Variants in PDK3 observed in about 807,000 individuals in gnomAD.
PDK3 encodes the protein pyruvate dehydrogenase kinase, isozyme 3.
PDK3 carries 12 observed loss-of-function variants against 32.0 expected under a neutral mutation model. The ratio of observed to expected loss-of-function variants is 0.37; its 90% CI spans 0.24 to 0.61. The LOEUF (loss-of-function observed/expected upper bound fraction) is 0.61. Among genes scored for constraint, PDK3 ranks in the 20% least tolerant of loss-of-function variants. The pLI, the probability that PDK3 is intolerant of heterozygous loss-of-function variation, is 0.65. For synonymous variants in PDK3, 122 were observed against 116.3 expected (o/e 1.05, Z -0.31); for missense variants, 188 against 316.9 (o/e 0.59, Z 3.09).
chrX:24,506,801 CTTTTTTTTTTTTT>C (rs10682263), intron 5 of PDK3, among the ~76,000 whole-genome samples: 20 of 49,492 alleles, frequency 4.0e-4, no homozygotes, highest in African/African-American at 1.5e-3. Context: ...TTTTTTCTTT[CTTTTTTTTTTTTT>C]TTTTTTTTTT....
chrX:24,541,826 C>G lies in PDK3; in HGVS notation c.*2662C>G, dbSNP rs1166927263. ...CCATATAGGTTGTAACACAAATAGACATGGACCCTTTTTCAGCTAAATTCT... is the reference window on the plus strand; with the variant it reads ...CCATATAGGTTGTAACACAAATAGAGATGGACCCTTTTTCAGCTAAATTCT... On this transcript the variant is annotated 3_prime_UTR_variant, in exon 12 of 12. Transcript: ENST00000568479. 2.7e-5 allele frequency among the ~76,000 whole-genome samples: 3 copies of G among 112,594 alleles called. No homozygotes were observed. The East Asian group carries it at 8.3e-4, about 31-fold the overall frequency.
intron 9 of PDK3, among the ~76,000 whole-genome samples, chrX:24,528,581 C>T (rs970919848): frequency 8.9e-6 from 1 of 112,691 alleles, no homozygotes; most frequent in Non-Finnish European, 1.9e-5. Context: ...CTCTGGCGTG[C>T]GTACCACAGA....
rs750275191 is a variant in PDK3, at chrX:24,465,358, G to A, written c.-98G>A. ...CCGAGGCCGAGATCGAGGCCGGGGT[G>A]CGCGCTTCGCAAACGTGCCCTATCC... On this transcript the variant is annotated 5_prime_UTR_variant, in exon 1 of 11. Coordinates refer to ENST00000379162, the MANE Select transcript of PDK3 (RefSeq NM_005391.5). The A allele has an allele frequency of 2.9e-5, 16 of 546,749 alleles. No individual in the cohort carries two copies. In the East Asian group the frequency reaches 4.4e-4, roughly 15 times the overall value. 45.1% of individuals were successfully genotyped at this position (546,749 alleles called of 1,213,427 possible). A position where few individuals can be genotyped will look rare whatever the true frequency, so the allele number is the denominator to read the frequency against.
At chrX:24,485,083 C>T (rs1458673056) in intron 1 of PDK3, among the ~76,000 whole-genome samples, 1 of 111,996 alleles carries the variant, frequency 8.9e-6, no homozygotes, top group Non-Finnish European at 1.9e-5. Context: ...CGCTATGGCT[C>T]ACACCTGTAA....
At chrX:24,516,253 G>A (rs1922252682) in intron 5 of PDK3, among the ~76,000 whole-genome samples, 1 of 111,489 alleles carries the variant, frequency 9.0e-6, no homozygotes, top group East Asian at 2.8e-4. Context: ...GGAATATAAA[G>A]GAAATAAGAG....
At chrX:24,540,101 TTAA>T (rs1922857259) in exon 12 of PDK3, among the ~76,000 whole-genome samples, 2 of 112,530 alleles carry the variant, frequency 1.8e-5, no homozygotes, top group African/African-American at 3.2e-5. Context: ...GCTCCAGGTC[TTAA>T]TAATTTTCAT....
intron 6 of PDK3, among the ~76,000 whole-genome samples, chrX:24,524,434 G>A (rs1922474292): frequency 1.8e-5 from 2 of 111,409 alleles, no homozygotes; most frequent in Admixed American, 1.9e-4. Flanking sequence ...CAACTATGAA[G>A]CAACCCAAAA....
At chrX:24,519,136 A>AC in intron 6 of PDK3, 126 bp downstream of exon 6, 1 of 449,672 alleles carries the variant, frequency 2.2e-6, no homozygotes, top group South Asian at 4.0e-5. Flanking sequence ...TCTTTTTAAA[A>AC]CTTTCTACGC....
intron 6 of PDK3, among the ~76,000 whole-genome samples, chrX:24,525,903 T>G (rs749336366): frequency 1.8e-5 from 2 of 112,244 alleles, no homozygotes; most frequent in Non-Finnish European, 3.8e-5. Flanking sequence ...TCTGTAATAC[T>G]CAGGATGTTA....
At chrX:24,495,677 G>A (rs1245169920) in intron 2 of PDK3, among the ~76,000 whole-genome samples, 1 of 112,614 alleles carries the variant, frequency 8.9e-6, no homozygotes, top group African/African-American at 3.2e-5. Flanking sequence ...ACCCCCATAT[G>A]TTCACCAACC....
At chrX:24,484,650 A>G (rs1192812509) in intron 1 of PDK3, among the ~76,000 whole-genome samples, 1 of 112,346 alleles carries the variant, frequency 8.9e-6, no homozygotes, top group African/African-American at 3.2e-5. Context: ...CCCTTTTCCT[A>G]TCAGAAGAAC....
At chrX:24,517,403 A>G (rs1434808417) in intron 5 of PDK3, among the ~76,000 whole-genome samples, 1 of 110,308 alleles carries the variant, frequency 9.1e-6, no homozygotes, top group Non-Finnish European at 1.9e-5. Flanking sequence ...TTGTATTTTT[A>G]GTAGAGATGG....
Position 24,528,171 on chromosome X carries a change from C to T in PDK3, c.948C>T (p.Thr316=). The change falls in exon 9 of 11, where the codon ACC becomes ACT. Residue 316 remains threonine, a synonymous_variant. Coordinates refer to ENST00000379162, the MANE Select transcript of PDK3 (RefSeq NM_005391.5). The part of the protein sequence containing the change: ...STAPRPSLEP[T]RAAPLAGFGY... Reference sequence around the variant, plus strand: ...CTCCTAGACCCAGCCTGGAGCCTACCAGAGCTGCCCCTTTGGTAAGCATCT... The same window carrying T: ...CTCCTAGACCCAGCCTGGAGCCTACTAGAGCTGCCCCTTTGGTAAGCATCT... 1.8e-6 allele frequency: 2 copies of T among 1,128,844 alleles called. No homozygotes were observed. The highest frequency in any genetic ancestry group is 1.8e-5 in the South Asian group (1 of 54,538). 93.0% of individuals were successfully genotyped at this position (1,128,844 alleles called of 1,213,427 possible).
At chrX:24,481,049 C>CTTTTTT in intron 1 of PDK3, among the ~76,000 whole-genome samples, 1 of 97,485 alleles carries the variant, frequency 1.0e-5, no homozygotes, top group East Asian at 3.2e-4. Context: ...TTTTCTTTTT[C>CTTTTTT]TTTTTTTTTT....
At chrX:24,488,004 C>CAAAAA (rs34710130) in intron 1 of PDK3, among the ~76,000 whole-genome samples, 1 of 27,476 alleles carries the variant, frequency 3.6e-5, no homozygotes, top group Non-Finnish European at 6.5e-5. Flanking sequence ...AACTCCATCT[C>CAAAAA]AAAAAAAAAA....
intron 9 of PDK3, among the ~76,000 whole-genome samples, chrX:24,529,092 A>G (rs1364480421): frequency 8.9e-6 from 1 of 111,957 alleles, no homozygotes; most frequent in African/African-American, 3.2e-5. Context: ...GAGTCGAGAA[A>G]ATTCATGAAA....
At chrX:24,533,070 A>G (rs1569228056) in intron 10 of PDK3, among the ~76,000 whole-genome samples, 1 of 111,072 alleles carries the variant, frequency 9.0e-6, no homozygotes, top group Non-Finnish European at 1.9e-5. Context: ...AAAATCGGAA[A>G]AAATCAGAAC....
At chrX:24,504,361 C>T (rs1392844114) in intron 4 of PDK3, among the ~76,000 whole-genome samples, 2 of 112,108 alleles carry the variant, frequency 1.8e-5, no homozygotes, top group African/African-American at 6.5e-5. Context: ...TAGATAACTC[C>T]AGTTGCTTTC....
exon 12 of PDK3, among the ~76,000 whole-genome samples, chrX:24,541,807 A>G (rs897567376): frequency 1.8e-5 from 2 of 112,469 alleles, no homozygotes; most frequent in Non-Finnish European, 1.9e-5. Flanking sequence ...TCCCCCATAT[A>G]GGTTGTAACA....
Sources: gnomAD v4.1 joint callset for allele counts (sites outside exome capture counted in the v4.1 genomes callset) on GRCh38, gnomAD v4.1.1 for gene constraint, MANE v1.5 for transcripts, NCBI Gene and HGNC (gene_info 2026-07-23, HGNC 2026-07-21) for gene names.